Variants in HPCAL1 observed in about 807,000 individuals in gnomAD.
HPCAL1 encodes hippocalcin-like protein 1.
HPCAL1 carries 8 observed loss-of-function variants against 17.1 expected under a neutral mutation model. The observed-to-expected ratio is 0.47, with a 90% CI of 0.27 to 0.84. HPCAL1 has a LOEUF of 0.84. HPCAL1 is among the 40% of genes least tolerant of loss of function. HPCAL1 has a pLI of 0.13. For synonymous variants in HPCAL1, 112 were observed against 111.4 expected, an observed-to-expected ratio of 1.01 and a Z score of -0.03; for missense variants, 165 against 271.1, an observed-to-expected ratio of 0.61 and a Z score of 2.75.
At chr2:10,357,122 A>AT (rs1666204840) in intron 1 of HPCAL1, among the ~76,000 whole-genome samples, 1 of 152,126 alleles carries the variant, frequency 6.6e-6, no homozygotes, top group Admixed American at 6.5e-5. Flanking sequence ...CTAAAAAAAA[A>AT]GATGGTGATG....
In HPCAL1 at chr2:10,419,134, C is replaced by T. The variant is rs992445911; in HGVS notation, c.-24-600C>T. ...GCTGAGGCAGGAGAATTGCTTGAAC[C>T]TGGGAGGCGGAGGTTACAGTGAGCT... is the stretch of plus-strand genomic sequence containing the variant. On this transcript the variant is annotated intron_variant, in intron 2 of 4. Transcript: ENST00000307845. The surrounding 1 kb of genome is among the most constrained non-coding windows in gnomAD (Gnocchi z 5.0). Among the ~76,000 whole-genome samples, 1 of 152,152 alleles carries T rather than the reference C, an allele frequency of 6.6e-6. No homozygotes were observed. The highest frequency in any genetic ancestry group is 6.5e-5 in the Admixed American group (1 of 15,272).
intron 1 of HPCAL1, among the ~76,000 whole-genome samples, chr2:10,326,984 G>A (rs796915935): frequency 1.6e-4 from 24 of 152,256 alleles, no homozygotes; most frequent in East Asian, 5.8e-4. Flanking sequence ...TCGGCTCCTC[G>A]GAAGCCCTTC....
intron 1 of HPCAL1, among the ~76,000 whole-genome samples, chr2:10,373,576 T>A (rs956523933): frequency 6.6e-6 from 1 of 152,080 alleles, no homozygotes; most frequent in African/African-American, 2.4e-5. Context: ...GCTGAGGTTT[T>A]TTTTTGTTTT....
chr2:10,363,050 G>A lies in HPCAL1; in HGVS notation c.-110-33785G>A, dbSNP rs965181276. ...GTGGGAGGATTACTTGAGCCTAGGAGGTTGAGGCTGCAGTGAACCATGATC... is the reference window on the plus strand; with the variant it reads ...GTGGGAGGATTACTTGAGCCTAGGAAGTTGAGGCTGCAGTGAACCATGATC... On this transcript the variant is annotated intron_variant, in intron 1 of 4. Transcript: ENST00000307845. The surrounding 1 kb of genome is among the most constrained non-coding windows in gnomAD (Gnocchi z 4.7). Among the ~76,000 whole-genome samples, 1 of 152,210 alleles carries A rather than the reference G, an allele frequency of 6.6e-6. No homozygotes were observed. Among genetic ancestry groups the A allele is most frequent in the African/African-American group, 2.4e-5 (1 of 41,446 alleles).
intron 1 of HPCAL1, among the ~76,000 whole-genome samples, chr2:10,337,887 C>G (rs1248163855): frequency 6.6e-6 from 1 of 152,136 alleles, no homozygotes; most frequent in African/African-American, 2.4e-5. Flanking sequence ...CCGAGCCTGC[C>G]CTCTGAGGAT....
At chr2:10,381,109 C>T (rs552484831) in intron 1 of HPCAL1, among the ~76,000 whole-genome samples, 2 of 152,322 alleles carry the variant, frequency 1.3e-5, no homozygotes, top group East Asian at 3.9e-4. Context: ...GGCTGGTGAG[C>T]AGAGTGGGGC....
chr2:10,368,414 C>G (rs768016552), intron 1 of HPCAL1, among the ~76,000 whole-genome samples: 2 of 152,096 alleles, frequency 1.3e-5, no homozygotes, highest in Non-Finnish European at 2.9e-5. Flanking sequence ...TCTGCATTCA[C>G]TCGGCCAGAG....
intron 1 of HPCAL1, among the ~76,000 whole-genome samples, chr2:10,307,107 C>T (rs1370588712): frequency 2.6e-5 from 4 of 151,730 alleles, no homozygotes; most frequent in Admixed American, 6.6e-5. Context: ...TGTCTTAGCC[C>T]CACCTGTGGC....
intron 1 of HPCAL1, among the ~76,000 whole-genome samples, chr2:10,316,300 C>A (rs548748979): frequency 2.0e-4 from 30 of 152,228 alleles, no homozygotes; most frequent in Admixed American, 1.6e-3. Context: ...TGTTTCAGCT[C>A]CCTTTTTGAA....
At position 10,354,889 on chromosome 2, in the gene HPCAL1, T is replaced by C. The variant is rs1037336287; in HGVS notation, c.-110-41946T>C. 1.3e-5 allele frequency among the ~76,000 whole-genome samples: 2 copies of C among 152,224 alleles called. No homozygotes were observed. Among genetic ancestry groups the C allele is most frequent in the African/African-American group, 2.4e-5 (1 of 41,456 alleles). Reference sequence around the variant, plus strand: ...TTTGCAAACTGTGGTCCCCTCCTCATAGATCCTTCAATTCAACAATTGAAT... The same window carrying C: ...TTTGCAAACTGTGGTCCCCTCCTCACAGATCCTTCAATTCAACAATTGAAT... On this transcript the variant is annotated intron_variant, in intron 1 of 4. Coordinates refer to ENST00000307845, the MANE Select transcript of HPCAL1 (RefSeq NM_002149.4). The surrounding 1 kb of genome is among the most constrained non-coding windows in gnomAD (Gnocchi z 5.1).
At chr2:10,350,805 G>A (rs2125462697) in intron 1 of HPCAL1, among the ~76,000 whole-genome samples, 1 of 152,314 alleles carries the variant, frequency 6.6e-6, no homozygotes, top group East Asian at 1.9e-4. Context: ...AGATATACAA[G>A]TGGCCAAGAA....
intron 1 of HPCAL1, among the ~76,000 whole-genome samples, chr2:10,390,673 C>T (rs980341420): frequency 1.3e-5 from 2 of 152,106 alleles, no homozygotes; most frequent in East Asian, 1.9e-4. Flanking sequence ...GTGAAGCCTG[C>T]GCCTGGGCAA....
intron 2 of HPCAL1, among the ~76,000 whole-genome samples, chr2:10,407,508 G>A (rs2125604008): frequency 6.6e-6 from 1 of 152,158 alleles, no homozygotes; most frequent in Middle Eastern, 3.4e-3. Context: ...CCTGTTTTGG[G>A]CCCTGTGGGG....
chr2:10,393,109 G>C (rs1390088951), intron 1 of HPCAL1, among the ~76,000 whole-genome samples: 1 of 152,234 alleles, frequency 6.6e-6, no homozygotes. Flanking sequence ...TAGAGGAAGA[G>C]GCATGGCAAT....
intron 1 of HPCAL1, among the ~76,000 whole-genome samples, chr2:10,361,260 CAGAGAGAGAG>C (rs34257751): frequency 4.8e-5 from 7 of 146,388 alleles, no homozygotes; most frequent in African/African-American, 1.8e-4. Flanking sequence ...GGGTGGATCC[CAGAGAGAGAG>C]AGAGAGAGAG....
intron 1 of HPCAL1, among the ~76,000 whole-genome samples, chr2:10,334,217 C>T (rs1423545785): frequency 2.6e-5 from 4 of 152,208 alleles, no homozygotes; most frequent in Non-Finnish European, 5.9e-5. Flanking sequence ...GGCATGGTGG[C>T]TCACGCCTGT....
rs559335128 is a variant in HPCAL1 at position 10,329,213 on chromosome 2, G to A, written c.-111+26036G>A. Among the ~76,000 whole-genome samples, 54 of 152,272 alleles carry A rather than the reference G, an allele frequency of 3.5e-4. No individual in the cohort carries two copies. The South Asian group carries it at 0.01, about 29-fold the overall frequency. On this transcript the variant is annotated intron_variant, in intron 1 of 4. Coordinates refer to ENST00000307845, the MANE Select transcript of HPCAL1 (RefSeq NM_002149.4). Reference sequence around the variant, plus strand: ...TTTCCTGAACAGTCTTGTGATAGGCGGGATAACTCCCACCCCTCAGATGCT... The same window carrying A: ...TTTCCTGAACAGTCTTGTGATAGGCAGGATAACTCCCACCCCTCAGATGCT...
intron 1 of HPCAL1, among the ~76,000 whole-genome samples, chr2:10,374,499 C>T (rs1440228315): frequency 5.3e-5 from 8 of 152,230 alleles, no homozygotes; most frequent in African/African-American, 9.6e-5. Context: ...GCAAGGAGAC[C>T]GAGCCTGCCT....
At chr2:10,346,720 CT>C (rs1284482651) in intron 1 of HPCAL1, among the ~76,000 whole-genome samples, 1 of 152,132 alleles carries the variant, frequency 6.6e-6, no homozygotes, top group Non-Finnish European at 1.5e-5. Flanking sequence ...ATGAAGTGTA[CT>C]GTGTTTTCAC....
Sources: gnomAD v4.1 joint callset for allele counts (sites outside exome capture counted in the v4.1 genomes callset) on GRCh38, gnomAD v4.1.1 for gene constraint, Gnocchi (gnomAD v3.1) non-coding constraint, MANE v1.5 for transcripts, NCBI Gene and HGNC (gene_info 2026-07-23, HGNC 2026-07-21) for gene names.